EPB41L4A: variants seen among roughly 807,000 people sequenced by gnomAD.
EPB41L4A encodes the protein band 4.1-like protein 4A.
In EPB41L4A, 100 loss-of-function variants were observed where a neutral mutation model predicts 108.6. The ratio of observed to expected loss-of-function variants is 0.92; its 90% CI spans 0.78 to 1.09. The LOEUF is 1.09. Ranked by LOEUF, EPB41L4A falls within the 50% of genes least tolerant of loss-of-function variation. The pLI is 0.00. For synonymous variants in EPB41L4A, 319 were observed against 289.0 expected, an observed-to-expected ratio of 1.10 and a Z score of -1.05; for missense variants, 1,030 against 842.7, an observed-to-expected ratio of 1.22 and a Z score of -2.75.
chr5:112,274,654 T>A (rs1241521335), intron 4 of EPB41L4A, among the ~76,000 whole-genome samples: 1 of 152,198 alleles, frequency 6.6e-6, no homozygotes, highest in Non-Finnish European at 1.5e-5. Flanking sequence ...GAATATACTT[T>A]TGTTTTTCCT....
In EPB41L4A at chr5:112,307,397, T is replaced by G. The variant is rs61743735; in HGVS notation, c.193A>C (p.Ser65Arg). ...GTCACCTTACTCACCGTCTGATGGC[T>G]TCTGTCACAGTAACGTAGCCCAAAA... ...DYFGLRYCDRSHQTYWLDPAK... is the reference protein window; with the variant it reads ...DYFGLRYCDRRHQTYWLDPAK... Residue 65 changes from serine (S) to arginine (R), a missense_variant, in exon 2 of 23, where the codon AGC becomes CGC. Coordinates refer to ENST00000261486, the MANE Select transcript of EPB41L4A (RefSeq NM_022140.5). 71 of 1,609,694 alleles carry G rather than the reference T, an allele frequency of 4.4e-5. No individual in the cohort carries two copies. The Middle Eastern group carries it at 2.8e-3, about 64-fold the overall frequency.
At chr5:112,158,154 A>C (rs188865179), downstream of EPB41L4A, among the ~76,000 whole-genome samples, 1 of 152,158 alleles carries the variant, frequency 6.6e-6, no homozygotes, top group Non-Finnish European at 1.5e-5. Context: ...AAAGGGAAGA[A>C]GAGAAAAGAG....
At chr5:112,169,325 CAT>C (rs1047505935) in intron 20 of EPB41L4A, among the ~76,000 whole-genome samples, 6 of 151,984 alleles carry the variant, frequency 3.9e-5, no homozygotes, top group African/African-American at 1.5e-4. Context: ...TGTGTGTATA[CAT>C]ATATATATGT....
chr5:112,245,993 A>G (rs1054752144), intron 9 of EPB41L4A, among the ~76,000 whole-genome samples: 1 of 152,224 alleles, frequency 6.6e-6, no homozygotes, highest in African/African-American at 2.4e-5. Context: ...TGAAAGGGAT[A>G]GGGATTATAC....
At chr5:112,282,901 G>T (rs547120970) in intron 2 of EPB41L4A, among the ~76,000 whole-genome samples, 9 of 151,752 alleles carry the variant, frequency 5.9e-5, no homozygotes, top group African/African-American at 1.4e-4. Flanking sequence ...CAGATTTTTT[G>T]ATTCATTTTG....
Position 112,191,411 on chromosome 5 carries a change from T to A in EPB41L4A, c.1502+3157A>T, listed in dbSNP as rs540221811. 6.6e-5 allele frequency among the ~76,000 whole-genome samples: 10 copies of A among 152,330 alleles called. No homozygotes were observed. The South Asian group carries it at 1.2e-3, about 19-fold the overall frequency. On this transcript the variant is annotated intron_variant, in intron 17 of 22. Transcript: ENST00000261486. ...TTGAAACTAAACAACAATCTTTGCT[T>A]CTAACATTAGCCTTCCAGAGCTGGT...
At chr5:112,342,539 GT>G (rs1757380812) in intron 1 of EPB41L4A, among the ~76,000 whole-genome samples, 1 of 152,142 alleles carries the variant, frequency 6.6e-6, no homozygotes, top group Admixed American at 6.5e-5. Context: ...ATTTCCCCAC[GT>G]GATGCATTAG....
intron 1 of EPB41L4A, among the ~76,000 whole-genome samples, chr5:112,367,516 C>G (rs549002234): frequency 2.6e-4 from 40 of 152,266 alleles, no homozygotes; most frequent in South Asian, 6.2e-4. Context: ...GGTCTTGATG[C>G]TCTTGCCATC....
At chr5:112,234,873 G>C (rs955703071) in intron 11 of EPB41L4A, 118 bp from the exon 12 acceptor site, 1 of 1,099,404 alleles carries the variant, frequency 9.1e-7, no homozygotes, top group Non-Finnish European at 1.3e-6. Flanking sequence ...CAGACTCCCT[G>C]GTTTTTAATT....
chr5:112,258,016 T>C (rs924444949), intron 9 of EPB41L4A, among the ~76,000 whole-genome samples: 3 of 152,196 alleles, frequency 2.0e-5, no homozygotes, highest in Admixed American at 6.5e-5. Context: ...AACTAAACCA[T>C]AAGAACAACT....
intron 1 of EPB41L4A, among the ~76,000 whole-genome samples, chr5:112,403,428 G>GT (rs1561647784): frequency 1.3e-5 from 2 of 151,156 alleles, no homozygotes; most frequent in African/African-American, 4.9e-5. Flanking sequence ...CAGAAGAACT[G>GT]TAAGTCTCCT....
intron 1 of EPB41L4A, among the ~76,000 whole-genome samples, chr5:112,410,165 G>C (rs2112805747): frequency 6.6e-6 from 1 of 152,238 alleles, no homozygotes; most frequent in East Asian, 1.9e-4. Flanking sequence ...CACAGAAAAA[G>C]GTGAGAGGGA....
intron 2 of EPB41L4A, among the ~76,000 whole-genome samples, chr5:112,285,898 T>C (rs1354356242): frequency 6.6e-6 from 1 of 152,170 alleles, no homozygotes; most frequent in Non-Finnish European, 1.5e-5. Flanking sequence ...ATAATTACCA[T>C]TTTATAAATG....
Position 112,168,816 on chromosome 5 carries a change from T to C in EPB41L4A, c.1855A>G (p.Lys619Glu), listed in dbSNP as rs767645587. ...GGAAGTGGTGGTACAAGATCTGTTT[T>C]TGAACTGCAGAGAATGAGTTTTAGA... Reference protein sequence around the residue: ...ERSVLSEVNSKTDLVPPLPVT... With the variant: ...ERSVLSEVNSETDLVPPLPVT... Residue 619 changes from lysine (K) to glutamate (E), a missense_variant, in exon 22 of 23, where the codon AAA becomes GAA. Coordinates refer to ENST00000261486, the MANE Select transcript of EPB41L4A (RefSeq NM_022140.5). 6 of 1,613,832 alleles carry C rather than the reference T, an allele frequency of 3.7e-6. No individual in the cohort carries two copies. Among genetic ancestry groups the C allele is most frequent in the East Asian group, 2.2e-5 (1 of 44,884 alleles).
At chr5:112,263,816 CT>C (rs369063745) in intron 6 of EPB41L4A, 205 of 144,356 alleles carry the variant, frequency 1.4e-3, no homozygotes, top group Middle Eastern at 3.5e-3. Context: ...ACATTTTTTT[CT>C]TTTTTTTTTT....
intron 4 of EPB41L4A, among the ~76,000 whole-genome samples, chr5:112,274,026 C>T (rs780630284): frequency 2.6e-5 from 4 of 151,994 alleles, no homozygotes; most frequent in South Asian, 2.1e-4. Flanking sequence ...CAGTGACTCA[C>T]GCTGGTAATC....
At chr5:112,396,499 C>T (rs916634006) in intron 1 of EPB41L4A, among the ~76,000 whole-genome samples, 2 of 152,246 alleles carry the variant, frequency 1.3e-5, no homozygotes, top group Non-Finnish European at 2.9e-5. Flanking sequence ...CTATCTCACA[C>T]AGCATCCAAG....
chr5:112,156,497 C>T (rs553159352), intron 12 of EPB41L4A, among the ~76,000 whole-genome samples: 1 of 152,234 alleles, frequency 6.6e-6, no homozygotes, highest in East Asian at 1.9e-4. Context: ...TTCTTTATCC[C>T]GTTTTTTGTT....
chr5:112,400,274 C>T (rs899988416), intron 1 of EPB41L4A, among the ~76,000 whole-genome samples: 1 of 152,202 alleles, frequency 6.6e-6, no homozygotes. Flanking sequence ...ATGCGGAAAA[C>T]CGCCCCCATG....
Sources: gnomAD v4.1 joint callset for allele counts (sites outside exome capture counted in the v4.1 genomes callset) on GRCh38, gnomAD v4.1.1 for gene constraint, MANE v1.5 for transcripts, NCBI Gene and HGNC (gene_info 2026-07-23, HGNC 2026-07-21) for gene names.